The following GPHN variants were observed in gnomAD, a reference collection of about 807,000 sequenced individuals.
The protein encoded by GPHN is gephyrin.
In GPHN, 17 loss-of-function variants were observed where a neutral mutation model predicts 95.5. The observed-to-expected ratio is 0.18, with a 90% CI of 0.12 to 0.27. The LOEUF (loss-of-function observed/expected upper bound fraction) is 0.27. Among genes scored for constraint, GPHN ranks in the 10% least tolerant of loss-of-function variants. The pLI, the probability that GPHN is intolerant of heterozygous loss-of-function variation, is 1.00. For missense variants in GPHN, 660 were observed against 978.1 expected (o/e 0.67, Z 4.34); for synonymous variants, 320 against 322.5 (o/e 0.99, Z 0.08).
chr14:67,560,245 T>C, the GPHN span, among the ~76,000 whole-genome samples: 1 of 152,142 alleles, frequency 6.6e-6, no homozygotes, highest in African/African-American at 2.4e-5. Flanking sequence ...CAGGCTGGTC[T>C]CGAACTCCTG....
rs2140211610 is a variant in GPHN at position 67,180,810 on chromosome 14, A to T, written c.2183A>T (p.Gln728Leu). The change falls in exon 23 of 23, where the codon CAA becomes CTA. Residue 728 changes from glutamine (Q) to leucine (L), a missense_variant. By Grantham distance (113) the Gln-to-Leu change is moderately radical. Coordinates refer to ENST00000478722, the MANE Select transcript of GPHN (RefSeq NM_020806.5). ...TAAGAGTATTTCTTTCTAGGTAATC[A>T]AATGAGCAGCCGTCTGATGAGCATG... is the stretch of plus-strand genomic sequence containing the variant. ...PLPWAQSTGN[Q>L]MSSRLMSMRS... 1 of 1,613,760 alleles carries T rather than the reference A, an allele frequency of 6.2e-7. No homozygotes were observed. Among genetic ancestry groups the T allele is most frequent in the East Asian group, 2.2e-5 (1 of 44,844 alleles).
intron 11 of GPHN, among the ~76,000 whole-genome samples, chr14:67,073,742 T>C (rs372844645): frequency 6.6e-6 from 1 of 152,182 alleles, no homozygotes; most frequent in Non-Finnish European, 1.5e-5. Context: ...TACATAAAGC[T>C]TATTTTATTT....
chr14:67,340,874 CTG>C, the GPHN span, among the ~76,000 whole-genome samples: 5 of 152,240 alleles, frequency 3.3e-5, no homozygotes, highest in African/African-American at 1.2e-4. Flanking sequence ...CGGGGTTTCG[CTG>C]TGTTGGCCAG....
At chr14:67,695,500 C>T in the GPHN span, 3 of 868,556 alleles carry the variant, frequency 3.5e-6, no homozygotes, top group East Asian at 5.6e-5. Context: ...TCCAACCCAC[C>T]GAACTCTGGG....
chr14:67,635,824 C>T, the GPHN span, among the ~76,000 whole-genome samples: 264 of 152,218 alleles, frequency 1.7e-3, 2 homozygotes, highest in Admixed American at 4.4e-3. Context: ...TTCACTCCAG[C>T]GTGGGTGAAA....
At chr14:67,217,597 G>A in the GPHN span, among the ~76,000 whole-genome samples, 1 of 151,978 alleles carries the variant, frequency 6.6e-6, no homozygotes, top group African/African-American at 2.4e-5. Flanking sequence ...GAGTTTTATA[G>A]TTTTGCATGT....
the GPHN span, among the ~76,000 whole-genome samples, chr14:67,321,602 T>C: frequency 6.6e-6 from 1 of 152,216 alleles, no homozygotes; most frequent in African/African-American, 2.4e-5. Flanking sequence ...TAAATTCATT[T>C]ATCTTTTATA....
the GPHN span, chr14:67,583,680 C>G: frequency 1.3e-5 from 17 of 1,329,084 alleles, no homozygotes; most frequent in Non-Finnish European, 1.6e-5. Flanking sequence ...CTCTCAACAG[C>G]CCCCACCTGG....
chr14:67,431,161 G>A, the GPHN span, among the ~76,000 whole-genome samples: 5 of 152,132 alleles, frequency 3.3e-5, no homozygotes, highest in African/African-American at 9.6e-5. Context: ...TTGGGAGGCC[G>A]AGGCGGGTGG....
chr14:67,670,077 G>A, the GPHN span, among the ~76,000 whole-genome samples: 2 of 152,130 alleles, frequency 1.3e-5, no homozygotes, highest in African/African-American at 4.8e-5. Flanking sequence ...CCTGGATGAC[G>A]GGAGACAGGA....
At chr14:67,730,151 C>T in the GPHN span, among the ~76,000 whole-genome samples, 19 of 152,126 alleles carry the variant, frequency 1.2e-4, 1 homozygote, top group Admixed American at 1.2e-3. Flanking sequence ...CACAACCCTG[C>T]GAGGCAGGTA....
the GPHN span, among the ~76,000 whole-genome samples, chr14:67,187,087 C>G: frequency 2.6e-5 from 4 of 151,984 alleles, no homozygotes; most frequent in African/African-American, 9.7e-5. Flanking sequence ...AGAACTGAAG[C>G]CAGGATGGAG....
the GPHN span, chr14:67,333,301 G>A: frequency 2.3e-5 from 4 of 174,932 alleles, no homozygotes; most frequent in Non-Finnish European, 2.4e-5. Flanking sequence ...ATACACAAGC[G>A]TCCATGTCTC....
At chr14:67,663,717 T>A in the GPHN span, among the ~76,000 whole-genome samples, 3 of 152,296 alleles carry the variant, frequency 2.0e-5, no homozygotes, top group Admixed American at 2.0e-4. Flanking sequence ...ACAGTAATAA[T>A]GATACTTGCG....
chr14:67,562,751 C>A, the GPHN span: 1 of 1,613,786 alleles, frequency 6.2e-7, no homozygotes. Flanking sequence ...CCGGGAGGAA[C>A]CAGAGAAGAT....
intron 4 of GPHN, among the ~76,000 whole-genome samples, chr14:66,874,613 A>AC (rs2063573727): frequency 6.6e-6 from 1 of 152,230 alleles, no homozygotes; most frequent in East Asian, 1.9e-4. Flanking sequence ...TGAAGCATAC[A>AC]CAAGTATCAA....
intron 9 of GPHN, among the ~76,000 whole-genome samples, chr14:66,966,322 A>G (rs1897199402): frequency 6.6e-6 from 1 of 152,058 alleles, no homozygotes; most frequent in Non-Finnish European, 1.5e-5. Flanking sequence ...AGTTTGTTTT[A>G]CATTACTTGT....
In GPHN at chr14:67,122,349, A is replaced by G. The variant is rs1308918071; in HGVS notation, c.1720A>G (p.Thr574Ala). 4 of 1,613,352 alleles carry G rather than the reference A, an allele frequency of 2.5e-6. No individual in the cohort carries two copies. Among genetic ancestry groups the G allele is most frequent in the Admixed American group, 3.3e-5 (2 of 60,018 alleles). Reference sequence around the variant, plus strand: ...AACAATTCAGGAACATGGTTACCCCACGATCAACTTGGGTATTGTAGGAGA... The same window carrying G: ...AACAATTCAGGAACATGGTTACCCCGCGATCAACTTGGGTATTGTAGGAGA... ...LATIQEHGYP[T>A]INLGIVGDNP... Residue 574 changes from threonine (T) to alanine (A), a missense_variant, in exon 17 of 23, where the codon ACG (threonine) becomes GCG (alanine). Thr to Ala is a moderately conservative substitution (Grantham distance 58). Transcript: ENST00000478722.
At chr14:66,865,684 A>G (rs576374868) in intron 4 of GPHN, among the ~76,000 whole-genome samples, 264 of 152,254 alleles carry the variant, frequency 1.7e-3, no homozygotes, top group African/African-American at 5.8e-3. Flanking sequence ...TGATTTGAAT[A>G]CCCTCTTCTC....
Sources: allele counts gnomAD v4.1 joint callset (sites outside exome capture counted in the v4.1 genomes callset), GRCh38; gene constraint gnomAD v4.1.1; transcripts MANE v1.5; gene names NCBI Gene and HGNC (gene_info 2026-07-23, HGNC 2026-07-21).